Variants in CD55 observed in about 807,000 individuals in gnomAD.
CD55 encodes the protein complement decay-accelerating factor.
A neutral mutation model predicts 45.8 loss-of-function variants in CD55; 41 were observed. That is an observed-to-expected ratio of 0.90 (90% confidence interval 0.70 to 1.16). CD55 has a LOEUF of 1.16. CD55 is among the 50% of genes most tolerant of loss of function. The pLI is 0.00. For synonymous variants in CD55, 181 were observed against 181.1 expected (o/e 1.00, Z 0.01); for missense variants, 416 against 469.8 (o/e 0.89, Z 1.06).
intron 9 of CD55, chr1:207,354,080 G>A: frequency 6.5e-7 from 1 of 1,533,130 alleles, no homozygotes; most frequent in Non-Finnish European, 8.7e-7. Context: ...GCATCCTCTA[G>A]GTCACTCCAG....
At chr1:207,337,705 C>T (rs1317315330) in intron 8 of CD55, 1 of 253,896 alleles carries the variant, frequency 3.9e-6, no homozygotes, top group Admixed American at 5.5e-5. Flanking sequence ...AGGGAGTCAA[C>T]GAATTATTCA....
intron 5 of CD55, among the ~76,000 whole-genome samples, chr1:207,330,435 C>CT (rs1183931412): frequency 6.6e-6 from 1 of 151,382 alleles, no homozygotes; most frequent in Non-Finnish European, 1.5e-5. Context: ...TACAGTATAA[C>CT]TAAAAAAACT....
chr1:207,353,141 T>G (rs1346464045), intron 9 of CD55, among the ~76,000 whole-genome samples: 1 of 147,566 alleles, frequency 6.8e-6, no homozygotes, highest in African/African-American at 2.5e-5. Context: ...GCAACCTCTG[T>G]TTCCCAGGCT....
chr1:207,324,635 C>A lies in CD55; in HGVS notation c.363C>A (p.Val121=). The A allele has an allele frequency of 6.2e-7, 1 of 1,611,676 alleles. No individual in the cohort carries two copies. ...ATATCACTCAGAATTATTTTCCAGT[C>A]GGTACTGTTGTGGAATATGAGTGCC... ...QPYITQNYFP[V]GTVVEYECRP... is the part of the protein sequence containing the mutation. The change falls in exon 3 of 10, where the codon GTC becomes GTA. Residue 121 remains valine (V), a synonymous_variant. Coordinates refer to ENST00000367064, the MANE Select transcript of CD55 (RefSeq NM_000574.5).
chr1:207,355,516 G>C (rs1656043969), intron 9 of CD55, among the ~76,000 whole-genome samples: 1 of 152,154 alleles, frequency 6.6e-6, no homozygotes, highest in African/African-American at 2.4e-5. Context: ...TCTTAAAAGT[G>C]AATATAATTT....
intron 1 of CD55, 44 bp from the exon 2 acceptor site, chr1:207,322,338 A>G (rs993358787): frequency 6.5e-7 from 1 of 1,529,984 alleles, no homozygotes; most frequent in Non-Finnish European, 9.1e-7. Context: ...AACTGTGAGG[A>G]CACTTGATAG....
intron 9 of CD55, among the ~76,000 whole-genome samples, chr1:207,353,228 A>G (rs1023172932): frequency 6.6e-6 from 1 of 151,676 alleles, no homozygotes; most frequent in East Asian, 1.9e-4. Flanking sequence ...ATACAACCCA[A>G]ATTGGACAAT....
chr1:207,347,385 A>C, intron 9 of CD55: 1 of 359,644 alleles, frequency 2.8e-6, no homozygotes, highest in South Asian at 2.1e-5. Flanking sequence ...TCAGCCTCCC[A>C]AGTAGCTGGG....
chr1:207,339,822 A>G (rs1655341131), intron 9 of CD55, among the ~76,000 whole-genome samples: 1 of 152,170 alleles, frequency 6.6e-6, no homozygotes, highest in African/African-American at 2.4e-5. Context: ...TTCCCTGATT[A>G]TCTTATAATT....
Position 207,350,122 on chromosome 1 carries a change from G to T in CD55, c.1082-9424G>T, listed in dbSNP as rs962794805. ...CTACAACAATTGAGATGATCATGTG[G>T]TTTTTTTGTTTGTAGTTCTGTTTAT... is the stretch of plus-strand genomic sequence containing the variant. On this transcript the variant is annotated intron_variant, in intron 9 of 9. Transcript: ENST00000367064. The T allele has an allele frequency of 8.8e-6, 4 of 454,042 alleles. No homozygotes were observed. In the East Asian group the frequency reaches 2.1e-4, roughly 24 times the overall value. 28.1% of individuals were successfully genotyped at this position (454,042 alleles called of 1,614,324 possible).
At chr1:207,356,639 G>A (rs899836536) in intron 9 of CD55, among the ~76,000 whole-genome samples, 3 of 152,040 alleles carry the variant, frequency 2.0e-5, no homozygotes, top group African/African-American at 7.2e-5. Context: ...ACAAATGGGG[G>A]AAATATAGTA....
chr1:207,336,851 A>AC (rs1274714195), intron 7 of CD55, 33 bp downstream of exon 7: 1 of 1,612,518 alleles, frequency 6.2e-7, no homozygotes, highest in African/African-American at 1.3e-5. Context: ...TCAAAAACAC[A>AC]CCACAGAAAA....
chr1:207,325,149 A>G lies in CD55; in HGVS notation c.478+399A>G, dbSNP rs977501075. Among the ~76,000 whole-genome samples, 14 of 152,096 alleles carry G rather than the reference A, an allele frequency of 9.2e-5. 1 individual carries two copies. The South Asian group carries it at 2.3e-3, about 25-fold the overall frequency. On this transcript the variant is annotated intron_variant, in intron 3 of 9. Coordinates refer to ENST00000367064, the MANE Select transcript of CD55 (RefSeq NM_000574.5). ...CAGGAGATTGAGAGTAGCCTGGCCA[A>G]CATGATGAAACCCTGACTCTACTAA...
intron 1 of CD55, chr1:207,322,132 C>T: frequency 1.5e-6 from 1 of 648,062 alleles, no homozygotes; most frequent in Non-Finnish European, 2.8e-6. Context: ...CCAAGCCTGG[C>T]AAAATCGAAA....
At chr1:207,326,525 A>C (rs1307543954) in intron 4 of CD55, among the ~76,000 whole-genome samples, 1 of 152,218 alleles carries the variant, frequency 6.6e-6, no homozygotes, top group Non-Finnish European at 1.5e-5. Context: ...CATATTCCCC[A>C]TGCAAATAAA....
intron 9 of CD55, among the ~76,000 whole-genome samples, chr1:207,357,510 T>G (rs780245990): frequency 7.2e-4 from 106 of 147,846 alleles, no homozygotes; most frequent in Non-Finnish European, 1.4e-3. Flanking sequence ...GTATTATCAA[T>G]TTACCAAAGC....
At chr1:207,329,943 C>G (rs189370993) in intron 5 of CD55, among the ~76,000 whole-genome samples, 1 of 152,246 alleles carries the variant, frequency 6.6e-6, no homozygotes, top group African/African-American at 2.4e-5. Flanking sequence ...ATTTTCCTTA[C>G]TAAGAGTTAG....
chr1:207,326,951 T>C, intron 5 of CD55, 114 bp downstream of exon 5: 1 of 627,536 alleles, frequency 1.6e-6, no homozygotes, highest in Non-Finnish European at 2.8e-6. Flanking sequence ...AACCCACCTT[T>C]CAATATATGA....
intron 5 of CD55, among the ~76,000 whole-genome samples, chr1:207,328,514 AC>A (rs1387049431): frequency 2.6e-5 from 4 of 152,234 alleles, no homozygotes; most frequent in Non-Finnish European, 4.4e-5. Context: ...AGAACAGTGG[AC>A]ACATTCACTA....
Sources: gnomAD v4.1 joint callset for allele counts (sites outside exome capture counted in the v4.1 genomes callset) on GRCh38, gnomAD v4.1.1 for gene constraint, MANE v1.5 for transcripts, NCBI Gene and HGNC (gene_info 2026-07-23, HGNC 2026-07-21) for gene names.